The following TSHZ2 variants were observed in gnomAD, a reference collection of about 807,000 sequenced individuals.
TSHZ2 encodes the protein teashirt homolog 2.
A neutral mutation model predicts 74.4 loss-of-function variants in TSHZ2; 21 were observed. The observed-to-expected ratio is 0.28, with a 90% CI of 0.20 to 0.41. The LOEUF is 0.41. TSHZ2 is among the 10% of genes least tolerant of loss of function. The pLI is 1.00. For missense variants in TSHZ2, 1,244 were observed against 1,293.5 expected (o/e 0.96, Z 0.59); for synonymous variants, 540 against 515.3 (o/e 1.05, Z -0.65).
chr20:53,359,309 G>A (rs1176645950), intron 2 of TSHZ2, among the ~76,000 whole-genome samples: 1 of 152,100 alleles, frequency 6.6e-6, no homozygotes, highest in Non-Finnish European at 1.5e-5. Context: ...TTCTTGCTGT[G>A]TGATCTTAGC....
intron 1 of TSHZ2, among the ~76,000 whole-genome samples, chr20:53,195,552 G>A (rs1304148174): frequency 6.6e-6 from 1 of 152,208 alleles, no homozygotes; most frequent in South Asian, 2.1e-4. Context: ...GGTCACAAAT[G>A]TGCCTGCGGT....
At chr20:53,001,180 A>G (rs1305548801) in intron 1 of TSHZ2, among the ~76,000 whole-genome samples, 3 of 120,444 alleles carry the variant, frequency 2.5e-5, no homozygotes, top group African/African-American at 8.9e-5. Context: ...GTTTACAATG[A>G]CAATGTTGTG....
chr20:52,993,252 T>C (rs771284924), intron 1 of TSHZ2, among the ~76,000 whole-genome samples: 1 of 152,190 alleles, frequency 6.6e-6, no homozygotes, highest in Non-Finnish European at 1.5e-5. Context: ...AGTTTATAAA[T>C]GTTCCCTGCT....
intron 1 of TSHZ2, chr20:53,097,890 G>C (rs1424414124): frequency 6.6e-6 from 1 of 152,214 alleles, no homozygotes; most frequent in African/African-American, 2.4e-5. Context: ...ATGCTCTCAA[G>C]GTCCATTAGA....
At chr20:53,107,353 G>A (rs935094406) in intron 1 of TSHZ2, among the ~76,000 whole-genome samples, 2 of 151,882 alleles carry the variant, frequency 1.3e-5, no homozygotes, top group Non-Finnish European at 2.9e-5. Flanking sequence ...CTATAAAACA[G>A]ATATCATAGT....
rs918710526 is a variant in TSHZ2 at position 53,256,929 on chromosome 20, A to C, written c.*8+358A>C. ...TTATTAGATACTAACTTCTGTCACC[A>C]TTCCATTTCACCACCCCACCTTTCC... On this transcript the variant is annotated intron_variant, in intron 2 of 2. Coordinates refer to ENST00000371497, the MANE Select transcript of TSHZ2 (RefSeq NM_173485.6). This position sits in a 1 kb window ranked among gnomAD's most constrained non-coding sequence, Gnocchi z 4.3. Among the ~76,000 whole-genome samples, 1 of 152,230 alleles carries C rather than the reference A, an allele frequency of 6.6e-6. No individual in the cohort carries two copies. Among genetic ancestry groups the C allele is most frequent in the African/African-American group, 2.4e-5 (1 of 41,458 alleles).
chr20:53,140,870 C>T (rs1032207451), intron 1 of TSHZ2, among the ~76,000 whole-genome samples: 17 of 152,190 alleles, frequency 1.1e-4, no homozygotes, highest in African/African-American at 2.6e-4. Flanking sequence ...AGTTGAGGGA[C>T]GGTGTGGACA....
intron 2 of TSHZ2, chr20:53,455,502 C>A (rs182681734): frequency 3.9e-5 from 6 of 152,090 alleles, no homozygotes; most frequent in African/African-American, 1.2e-4. Context: ...TAGTGGTCAT[C>A]GGGCATTATT....
intron 1 of TSHZ2, among the ~76,000 whole-genome samples, chr20:53,144,241 C>T (rs1317318863): frequency 6.6e-6 from 1 of 152,156 alleles, no homozygotes; most frequent in Admixed American, 6.5e-5. Flanking sequence ...TAGTTTCTAA[C>T]CTTGTGGCTA....
At chr20:53,313,621 A>C (rs1281222594) in intron 2 of TSHZ2, among the ~76,000 whole-genome samples, 1 of 152,196 alleles carries the variant, frequency 6.6e-6, no homozygotes, top group Non-Finnish European at 1.5e-5. Context: ...TCGTCTATGG[A>C]ATAGGAAGGT....
chr20:53,014,614 C>T (rs1256746831), intron 1 of TSHZ2, among the ~76,000 whole-genome samples: 1 of 152,064 alleles, frequency 6.6e-6, no homozygotes, highest in East Asian at 1.9e-4. Context: ...ACTAAAGCTC[C>T]ATTTTCTCCT....
chr20:53,137,071 T>G (rs1010378437), intron 1 of TSHZ2, among the ~76,000 whole-genome samples: 5 of 152,138 alleles, frequency 3.3e-5, no homozygotes, highest in Non-Finnish European at 5.9e-5. Flanking sequence ...GGGATGGCGC[T>G]TGGGTTCCGA....
At chr20:53,346,625 G>A (rs570747000) in intron 2 of TSHZ2, among the ~76,000 whole-genome samples, 80 of 152,344 alleles carry the variant, frequency 5.3e-4, no homozygotes, top group African/African-American at 1.8e-3. Context: ...GTGAGGCCAG[G>A]CCACAGGTTG....
chr20:52,999,393 GGAGGGAAGGT>G (rs569876070), intron 1 of TSHZ2, among the ~76,000 whole-genome samples: 133 of 152,308 alleles, frequency 8.7e-4, no homozygotes, highest in African/African-American at 3.0e-3. Flanking sequence ...GGTGGCAAAG[GGAGGGAAGGT>G]GAGGGAAGGG....
At chr20:53,220,546 C>T (rs571259187) in intron 1 of TSHZ2, among the ~76,000 whole-genome samples, 2 of 152,304 alleles carry the variant, frequency 1.3e-5, no homozygotes, top group South Asian at 2.1e-4. Context: ...TATTGGGACA[C>T]AGCTGTGCCC....
At chr20:53,028,366 C>T (rs959081482) in intron 1 of TSHZ2, among the ~76,000 whole-genome samples, 2 of 152,232 alleles carry the variant, frequency 1.3e-5, no homozygotes, top group East Asian at 3.9e-4. Flanking sequence ...TAAACCATCT[C>T]CTTGTTTCAA....
intron 2 of TSHZ2, among the ~76,000 whole-genome samples, chr20:53,270,365 T>C (rs1187369334): frequency 2.0e-5 from 3 of 152,142 alleles, no homozygotes; most frequent in Admixed American, 6.6e-5. Context: ...TAGGGCCTTA[T>C]GTATCCTATC....
intron 1 of TSHZ2, among the ~76,000 whole-genome samples, chr20:53,138,149 A>C (rs541435007): frequency 6.6e-6 from 1 of 152,216 alleles, no homozygotes; most frequent in Admixed American, 6.5e-5. Context: ...TTGGGAGGCC[A>C]AGGCGGGCAG....
chr20:53,345,471 AATC>A (rs1177311596), intron 2 of TSHZ2, among the ~76,000 whole-genome samples: 3 of 152,080 alleles, frequency 2.0e-5, no homozygotes. Flanking sequence ...TGTTGTAAGA[AATC>A]ATAGAGGAAG....
Sources: gnomAD v4.1 joint callset for allele counts (sites outside exome capture counted in the v4.1 genomes callset) on GRCh38, gnomAD v4.1.1 for gene constraint, Gnocchi (gnomAD v3.1) non-coding constraint, MANE v1.5 for transcripts, NCBI Gene and HGNC (gene_info 2026-07-23, HGNC 2026-07-21) for gene names.